The following LMNA variants were observed in gnomAD, a reference collection of about 807,000 sequenced individuals.
LMNA encodes lamin.
In LMNA, 20 loss-of-function variants were observed where a neutral mutation model predicts 70.4. The ratio of observed to expected loss-of-function variants is 0.28; its 90% CI spans 0.20 to 0.41. The LOEUF (loss-of-function observed/expected upper bound fraction) is 0.41, where lower values mean the gene tolerates loss of function less well. LMNA is among the 10% of genes least tolerant of loss of function. The probability of loss-of-function intolerance (pLI) is 1.00; values close to 1 mark genes in which losing one functional copy is unlikely to be tolerated. For synonymous variants in LMNA, 339 were observed against 372.8 expected (o/e 0.91, Z 1.04); for missense variants, 652 against 917.2 (o/e 0.71, Z 3.73).
At chr1:156,127,088 C>A in intron 1 of LMNA, 1 of 655,406 alleles carries the variant, frequency 1.5e-6, no homozygotes, top group Non-Finnish European at 2.6e-6. Context: ...TTCCTGATGC[C>A]AACCCCCAGT....
intron 1 of LMNA, among the ~76,000 whole-genome samples, chr1:156,127,789 C>G (rs1397322424): frequency 6.6e-6 from 1 of 151,658 alleles, no homozygotes; most frequent in Non-Finnish European, 1.5e-5. Flanking sequence ...CAGGCTCAAG[C>G]AATTCTCGTG....
rs1366583811 is a variant in LMNA, at chr1:156,139,242, AT to A, written c.*145del. 5.3e-5 allele frequency: 76 copies of A among 1,441,104 alleles called. No individual in the cohort carries two copies. Among genetic ancestry groups the A allele is most frequent in the East Asian group, 1.8e-4 (7 of 39,046 alleles). The allele number at this position is 1,441,104 out of a possible 1,614,324, so 89.3% of individuals were successfully genotyped here. ...TAACCCTTTGGTTTTTTTCTTCTGT[AT>A]TTTTTTTTCTAAGAGAAGTTATTTT... On this transcript the variant is annotated 3_prime_UTR_variant, in exon 12 of 12. Coordinates refer to ENST00000368300, the MANE Select transcript of LMNA (RefSeq NM_170707.4).
At position 156,139,864 on chromosome 1, in the gene LMNA, G is replaced by A. The variant is rs1007374443; in HGVS notation, c.*758G>A. The A allele has an allele frequency of 2.0e-6, 3 of 1,487,754 alleles. No individual in the cohort carries two copies. Among genetic ancestry groups the A allele is most frequent in the Admixed American group, 4.3e-5 (2 of 46,614 alleles). 92.2% of individuals were successfully genotyped at this position (1,487,754 alleles called of 1,614,324 possible). A position where few individuals can be genotyped will look rare whatever the true frequency, so the allele number is the denominator to read the frequency against. On this transcript the variant is annotated 3_prime_UTR_variant, in exon 12 of 12. Transcript: ENST00000368300. ...GCTTTAGACCCTGGGTGGGCTCTGT[G>A]CAGTCACTGGAGGTTGAAGCCAAGT...
Position 156,140,005 on chromosome 1 carries a change from G to A in LMNA, c.*899G>A, listed in dbSNP as rs375604123. The A allele has an allele frequency of 1.0e-4, 59 of 584,284 alleles. No homozygotes were observed. The highest frequency in any genetic ancestry group is 5.9e-4 in the East Asian group (18 of 30,262). The allele number at this position is 584,284 out of a possible 1,614,324, so 36.2% of individuals were successfully genotyped here. On this transcript the variant is annotated 3_prime_UTR_variant, in exon 12 of 12. Coordinates refer to ENST00000368300, the MANE Select transcript of LMNA (RefSeq NM_170707.4). ...GGGTGTGGCAGTGGTTTTGGCAAACGCTAAAGAGCCCTTGCCTCCCCATTT... is the reference window on the plus strand; with the variant it reads ...GGGTGTGGCAGTGGTTTTGGCAAACACTAAAGAGCCCTTGCCTCCCCATTT...
intron 2 of LMNA, among the ~76,000 whole-genome samples, chr1:156,133,672 A>G (rs1051511030): frequency 7.9e-5 from 12 of 152,186 alleles, no homozygotes; most frequent in Admixed American, 2.6e-4. Context: ...TCTCTTCATG[A>G]GCCAGCCCCT....
Position 156,130,681 on chromosome 1 carries a change from C to G in LMNA, c.421C>G (p.Leu141Val). 1.2e-6 allele frequency: 2 copies of G among 1,613,944 alleles called. No homozygotes were observed. Among genetic ancestry groups the G allele is most frequent in the Non-Finnish European group, 8.5e-7 (1 of 1,179,958 alleles). The change falls in exon 2 of 12, where the codon CTG becomes GTG. Residue 141 changes from leucine to valine, a missense_variant. Physicochemically the swap from Leu to Val is conservative, Grantham distance 32. Coordinates refer to ENST00000368300, the MANE Select transcript of LMNA (RefSeq NM_170707.4). ...TCGGCTGAAGGACCTGGAGGCTCTGCTGAACTCCAAGGAGGCCGCACTGAG... is the reference window on the plus strand; with the variant it reads ...TCGGCTGAAGGACCTGGAGGCTCTGGTGAACTCCAAGGAGGCCGCACTGAG... ...QARLKDLEAL[L>V]NSKEAALSTA...
chr1:156,127,878 A>T (rs1486630071), intron 1 of LMNA, among the ~76,000 whole-genome samples: 1 of 151,892 alleles, frequency 6.6e-6, no homozygotes, highest in Non-Finnish European at 1.5e-5. Flanking sequence ...ATAGAGTCAG[A>T]GTTTCACCAT....
At chr1:156,092,217 CA>C (rs1362206701) in intron 3 of LMNA, among the ~76,000 whole-genome samples, 2 of 151,592 alleles carry the variant, frequency 1.3e-5, no homozygotes, top group African/African-American at 4.8e-5. Flanking sequence ...AGTGCCCAGC[CA>C]AAAAAAATTT....
intron 3 of LMNA, among the ~76,000 whole-genome samples, chr1:156,104,329 C>G (rs1366116309): frequency 6.6e-6 from 1 of 152,182 alleles, no homozygotes; most frequent in African/African-American, 2.4e-5. Context: ...TTCCTCCTTG[C>G]TTAGCAACTG....
chr1:156,114,752 T>A lies in LMNA; in HGVS notation c.-167T>A. 5.1e-6 allele frequency: 3 copies of A among 590,500 alleles called. No homozygotes were observed. The highest frequency in any genetic ancestry group is 4.2e-5 in the South Asian group (2 of 47,486). 36.6% of individuals were successfully genotyped at this position (590,500 alleles called of 1,614,324 possible). A position where few individuals can be genotyped will look rare whatever the true frequency, so the allele number is the denominator to read the frequency against. On this transcript the variant is annotated 5_prime_UTR_variant, in exon 1 of 12. Coordinates refer to ENST00000368300, the MANE Select transcript of LMNA (RefSeq NM_170707.4). ...CCGCACCTACACCAGCCAACCCAGA[T>A]CCCGAGGTCCGACAGCGCCCGGCCC... is the stretch of plus-strand genomic sequence containing the variant.
chr1:156,127,037 G>T, intron 1 of LMNA: 1 of 979,344 alleles, frequency 1.0e-6, no homozygotes, highest in Non-Finnish European at 1.5e-6. Context: ...TGTCCTCCCT[G>T]CCAACCCAGC....
At chr1:156,110,369 A>G (rs1349816398), upstream of LMNA, among the ~76,000 whole-genome samples, 3 of 152,226 alleles carry the variant, frequency 2.0e-5, no homozygotes, top group Non-Finnish European at 2.9e-5. Flanking sequence ...TTCTCTGTGT[A>G]TAAGGCAGTT....
Position 156,115,754 on chromosome 1 carries a change from C to A in LMNA, c.356+480C>A, listed in dbSNP as rs932363504. 6.6e-6 allele frequency among the ~76,000 whole-genome samples: 1 copy of A among 152,240 alleles called. No individual in the cohort carries two copies. The highest frequency in any genetic ancestry group is 1.5e-5 in the Non-Finnish European group (1 of 68,044). On this transcript the variant is annotated intron_variant, in intron 1 of 11. Coordinates refer to ENST00000368300, the MANE Select transcript of LMNA (RefSeq NM_170707.4). This position sits in a 1 kb window ranked among gnomAD's most constrained non-coding sequence, Gnocchi z 5.8. ...GCTGGCTCTGAACACATGATGCCCACTAAGACATAACTCTCAAGTTGGCAT... is the reference window on the plus strand; with the variant it reads ...GCTGGCTCTGAACACATGATGCCCAATAAGACATAACTCTCAAGTTGGCAT...
chr1:156,106,860 C>CA (rs1363483298), intron 3 of LMNA: 1 of 152,318 alleles, frequency 6.6e-6, no homozygotes, highest in African/African-American at 2.4e-5. Context: ...CTGAGACTCA[C>CA]AAGTGAGGTG....
chr1:156,088,169 C>T (rs1220432941), intron 2 of LMNA, among the ~76,000 whole-genome samples: 1 of 152,104 alleles, frequency 6.6e-6, no homozygotes, highest in Non-Finnish European at 1.5e-5. Flanking sequence ...CAGCCCGGCC[C>T]CAGCCTTTTT....
intron 2 of LMNA, among the ~76,000 whole-genome samples, chr1:156,132,835 CTCT>C (rs887267664): frequency 1.5e-5 from 2 of 131,126 alleles, no homozygotes; most frequent in African/African-American, 2.8e-5. Context: ...CTCTCTCTCT[CTCT>C]TTTTTTTTTT....
chr1:156,090,593 A>C, intron 3 of LMNA: 1 of 152,158 alleles, frequency 6.6e-6, no homozygotes, highest in East Asian at 1.9e-4. Flanking sequence ...GTAAGTAGAG[A>C]CTTTAGTGTT....
rs1435399655 is a variant in LMNA at position 156,136,904 on chromosome 1, C to A, written c.1381-17C>A. On this transcript the variant is annotated splice_polypyrimidine_tract_variant and intron_variant, in intron 7 of 11. Coordinates refer to ENST00000368300, the MANE Select transcript of LMNA (RefSeq NM_170707.4). The surrounding 1 kb of genome is among the most constrained non-coding windows in gnomAD (Gnocchi z 6.1). ...GGTGAGCCTCCCCGACCTTCCTCTT[C>A]CCTATCTTCCCGGCAGGACCAGTCC... is the stretch of plus-strand genomic sequence containing the variant. 6.2e-7 allele frequency: 1 copy of A among 1,609,542 alleles called. No individual in the cohort carries two copies. Among genetic ancestry groups the A allele is most frequent in the Non-Finnish European group, 8.5e-7 (1 of 1,177,184 alleles).
intron 2 of LMNA, among the ~76,000 whole-genome samples, chr1:156,085,332 T>C (rs1299495258): frequency 6.6e-6 from 1 of 152,182 alleles, no homozygotes; most frequent in Admixed American, 6.5e-5. Flanking sequence ...GCCTCCTTTG[T>C]TCAGGAGACC....
Sources: gnomAD v4.1 joint callset for allele counts (sites outside exome capture counted in the v4.1 genomes callset) on GRCh38, gnomAD v4.1.1 for gene constraint, Gnocchi (gnomAD v3.1) non-coding constraint, MANE v1.5 for transcripts, NCBI Gene and HGNC (gene_info 2026-07-23, HGNC 2026-07-21) for gene names.